CCDC7: variants seen among roughly 807,000 people sequenced by gnomAD.
The protein encoded by CCDC7 is coiled-coil domain-containing protein 7.
CCDC7 carries 183 observed loss-of-function variants against 196.9 expected under a neutral mutation model. The ratio of observed to expected loss-of-function variants is 0.93; its 90% CI spans 0.82 to 1.05. CCDC7 has a LOEUF of 1.05. Among genes scored for constraint, CCDC7 ranks in the 50% least tolerant of loss-of-function variants. The pLI is 0.00. For missense variants in CCDC7, 1,540 were observed against 1,482.2 expected (o/e 1.04, Z -0.64); for synonymous variants, 525 against 484.6 (o/e 1.08, Z -1.10).
chr10:32,820,122 C>A (rs1343599567), intron 31 of CCDC7, among the ~76,000 whole-genome samples: 4 of 152,156 alleles, frequency 2.6e-5, no homozygotes, highest in South Asian at 2.1e-4. Flanking sequence ...GCAAAGTCTC[C>A]AGATACAAAA....
intron 11 of CCDC7, among the ~76,000 whole-genome samples, chr10:32,529,603 C>G (rs1262048541): frequency 6.6e-6 from 1 of 152,088 alleles, no homozygotes; most frequent in Non-Finnish European, 1.5e-5. Flanking sequence ...CCTTAGCCTG[C>G]TTTTTAGTGG....
chr10:32,720,339 G>A (rs926003720), intron 25 of CCDC7, among the ~76,000 whole-genome samples: 6 of 151,764 alleles, frequency 4.0e-5, no homozygotes, highest in African/African-American at 7.3e-5. Context: ...ACCAAACACC[G>A]CATGTTCTCT....
chr10:32,559,586 C>T (rs1212828193), intron 13 of CCDC7, among the ~76,000 whole-genome samples: 1 of 152,212 alleles, frequency 6.6e-6, no homozygotes, highest in East Asian at 1.9e-4. Flanking sequence ...CTCTAGCAAA[C>T]TCCAACAGAC....
intron 16 of CCDC7, among the ~76,000 whole-genome samples, chr10:32,576,315 AAAAG>A (rs1377070606): frequency 2.6e-5 from 4 of 151,968 alleles, no homozygotes; most frequent in African/African-American, 4.8e-5. Context: ...AAAAAAAAAA[AAAAG>A]AAAAGGAGTA....
At chr10:32,598,320 TCTC>T (rs573020353) in intron 18 of CCDC7, among the ~76,000 whole-genome samples, 1 of 152,302 alleles carries the variant, frequency 6.6e-6, no homozygotes, top group South Asian at 2.1e-4. Flanking sequence ...CGGGATATAA[TCTC>T]CTGGTATGCC....
chr10:32,632,446 ATTCT>A (rs1304185180), intron 18 of CCDC7, among the ~76,000 whole-genome samples: 1 of 151,260 alleles, frequency 6.6e-6, no homozygotes, highest in African/African-American at 2.4e-5. Context: ...CTCTTTTCTT[ATTCT>A]TTCTTTTATT....
chr10:32,792,119 T>C (rs2082799066), intron 29 of CCDC7, among the ~76,000 whole-genome samples: 1 of 151,830 alleles, frequency 6.6e-6, no homozygotes, highest in South Asian at 2.1e-4. Context: ...TTCTGAGAAA[T>C]AAAGGAAAAA....
At chr10:32,689,685 A>G (rs1288757391) in intron 23 of CCDC7, among the ~76,000 whole-genome samples, 1 of 152,132 alleles carries the variant, frequency 6.6e-6, no homozygotes, top group Non-Finnish European at 1.5e-5. Context: ...CAAGGATCCC[A>G]CATAGGGAAA....
chr10:32,616,142 G>A lies in CCDC7; in HGVS notation c.1802-18112G>A, dbSNP rs552501393. 4.6e-5 allele frequency among the ~76,000 whole-genome samples: 7 copies of A among 152,062 alleles called. No homozygotes were observed. In the South Asian group the frequency reaches 1.2e-3, roughly 27 times the overall value. ...TGCTTAAGATTGCTTTGGCTATTTGGACTCCTTTTTTGATTCCATATGAAT... is the reference window on the plus strand; with the variant it reads ...TGCTTAAGATTGCTTTGGCTATTTGAACTCCTTTTTTGATTCCATATGAAT... On this transcript the variant is annotated intron_variant, in intron 18 of 41. Coordinates refer to ENST00000639629, the Ensembl canonical transcript of CCDC7.
intron 30 of CCDC7, among the ~76,000 whole-genome samples, chr10:32,809,807 G>T (rs1430088665): frequency 6.6e-6 from 1 of 152,202 alleles, no homozygotes; most frequent in Non-Finnish European, 1.5e-5. Context: ...AACCATTGTG[G>T]AAGTCAGTGT....
At chr10:32,739,445 A>T (rs928241580) in intron 28 of CCDC7, among the ~76,000 whole-genome samples, 6 of 151,934 alleles carry the variant, frequency 3.9e-5, no homozygotes, top group South Asian at 2.1e-4. Context: ...TTTCTGTTAC[A>T]ATGTTTTTTA....
intron 28 of CCDC7, among the ~76,000 whole-genome samples, chr10:32,772,058 G>A (rs1490371960): frequency 6.6e-6 from 1 of 152,208 alleles, no homozygotes; most frequent in East Asian, 1.9e-4. Flanking sequence ...TATCCTTTGT[G>A]TTAAGCCAGG....
chr10:32,868,330 A>G (rs916279889), intron 41 of CCDC7, among the ~76,000 whole-genome samples: 4 of 151,952 alleles, frequency 2.6e-5, no homozygotes, highest in African/African-American at 9.7e-5. Flanking sequence ...TTGAGAACTC[A>G]CCATACTGTT....
upstream of CCDC7, among the ~76,000 whole-genome samples, chr10:32,450,307 C>T (rs1305671757): frequency 6.6e-6 from 1 of 152,154 alleles, no homozygotes; most frequent in Non-Finnish European, 1.5e-5. Flanking sequence ...TATAGTGACA[C>T]CAGTAATTGG....
intron 20 of CCDC7, among the ~76,000 whole-genome samples, chr10:32,642,626 C>G (rs1024875399): frequency 1.3e-5 from 2 of 152,200 alleles, no homozygotes; most frequent in African/African-American, 4.8e-5. Flanking sequence ...ATGCCTCACC[C>G]TGCTTCAGCT....
chr10:32,609,787 G>T (rs1441987260), intron 18 of CCDC7, among the ~76,000 whole-genome samples: 1 of 152,142 alleles, frequency 6.6e-6, no homozygotes, highest in Non-Finnish European at 1.5e-5. Flanking sequence ...TTAAAAGTGT[G>T]TGGCACCTCC....
rs2033170174 is a variant in CCDC7, at chr10:32,451,937, G to A, written c.279+16G>A. ...TCTGAAGATGGTAAGAGGCTTGTTA[G>A]TTTCTGTGTTGCAGGGCCCCCATGA... is the stretch of plus-strand genomic sequence containing the variant. On this transcript the variant is annotated intron_variant, in intron 1 of 41. Coordinates refer to ENST00000639629, the Ensembl canonical transcript of CCDC7. 1.3e-6 allele frequency: 2 copies of A among 1,599,696 alleles called. No individual in the cohort carries two copies. The highest frequency in any genetic ancestry group is 1.3e-5 in the African/African-American group (1 of 74,340).
chr10:32,662,453 C>T (rs1180375994), intron 20 of CCDC7, among the ~76,000 whole-genome samples: 1 of 152,076 alleles, frequency 6.6e-6, no homozygotes, highest in African/African-American at 2.4e-5. Context: ...CTTTGGGTAT[C>T]CAGGATAGCG....
intron 8 of CCDC7, 25 bp downstream of exon 9, chr10:32,474,048 T>G (rs370404173): frequency 1.2e-6 from 2 of 1,604,764 alleles, no homozygotes; most frequent in Non-Finnish European, 1.7e-6. Context: ...ATTAAAGCAT[T>G]ATTGTGATAA....
Sources: allele counts gnomAD v4.1 joint callset (sites outside exome capture counted in the v4.1 genomes callset), GRCh38; gene constraint gnomAD v4.1.1; transcripts MANE v1.5; gene names NCBI Gene and HGNC (gene_info 2026-07-23, HGNC 2026-07-21).